The following BACH2 variants were observed in gnomAD, a reference collection of about 807,000 sequenced individuals.
BACH2 encodes transcription regulator protein BACH2.
A neutral mutation model predicts 61.8 loss-of-function variants in BACH2; 5 were observed. That is an observed-to-expected ratio of 0.08 (90% CI 0.04 to 0.17). The LOEUF is 0.17. Among genes scored for constraint, BACH2 ranks in the 10% least tolerant of loss-of-function variants. The pLI is 1.00. For missense variants in BACH2, 824 were observed against 1,091.1 expected, an observed-to-expected ratio of 0.76 and a Z score of 3.45; for synonymous variants, 446 against 440.1, an observed-to-expected ratio of 1.01 and a Z score of -0.17.
chr6:90,025,844 C>T (rs1778606604), intron 5 of BACH2, among the ~76,000 whole-genome samples: 2 of 152,216 alleles, frequency 1.3e-5, no homozygotes, highest in Non-Finnish European at 2.9e-5. Flanking sequence ...ACACCCTTCT[C>T]CATGGGGAAA....
intron 5 of BACH2, among the ~76,000 whole-genome samples, chr6:90,061,103 T>A (rs556723256): frequency 6.6e-6 from 1 of 152,190 alleles, no homozygotes; most frequent in Non-Finnish European, 1.5e-5. Flanking sequence ...ATCTGATTGT[T>A]GCTTTTGAAG....
At chr6:90,116,274 A>G (rs1249952197) in intron 4 of BACH2, among the ~76,000 whole-genome samples, 5 of 152,234 alleles carry the variant, frequency 3.3e-5, no homozygotes, top group Non-Finnish European at 5.9e-5. Context: ...TGGATAAAGA[A>G]AATGTGGTAC....
intron 4 of BACH2, among the ~76,000 whole-genome samples, chr6:90,094,684 A>G (rs1209289308): frequency 6.6e-6 from 1 of 152,200 alleles, no homozygotes; most frequent in African/African-American, 2.4e-5. Flanking sequence ...GAGGTAAAAA[A>G]TTTACCAAAT....
chr6:90,139,736 A>G lies in BACH2; in HGVS notation c.-161-50627T>C, dbSNP rs140639652. 2.1e-3 allele frequency among the ~76,000 whole-genome samples: 323 copies of G among 152,300 alleles called. 2 individuals are homozygous for G. The highest frequency in any genetic ancestry group is 7.2e-3 in the African/African-American group (301 of 41,564). On this transcript the variant is annotated intron_variant, in intron 4 of 8. Transcript: ENST00000257749. ...CTTCCATTTGAACACTACCAGTTGT[A>G]CTTCCACACAGGTGGGGGTGGAGGT...
chr6:89,972,011 T>C (rs1393316100), intron 6 of BACH2, among the ~76,000 whole-genome samples: 1 of 151,964 alleles, frequency 6.6e-6, no homozygotes, highest in African/African-American at 2.4e-5. Flanking sequence ...TGAGGGAGGA[T>C]TAGTTAGGTT....
At chr6:89,937,839 T>G (rs1773118471) in intron 8 of BACH2, among the ~76,000 whole-genome samples, 1 of 152,194 alleles carries the variant, frequency 6.6e-6, no homozygotes. Flanking sequence ...CCAACATCAG[T>G]TATTTTCACA....
At chr6:89,960,681 G>C (rs1774692211) in intron 6 of BACH2, among the ~76,000 whole-genome samples, 1 of 152,184 alleles carries the variant, frequency 6.6e-6, no homozygotes. Flanking sequence ...TTACCACATG[G>C]GGATTTGGTA....
chr6:90,154,229 T>C (rs1401494676), intron 4 of BACH2, among the ~76,000 whole-genome samples: 1 of 152,070 alleles, frequency 6.6e-6, no homozygotes. Context: ...GTAGAGGAAA[T>C]GCAGGTTACA....
chr6:90,007,817 G>A (rs1197533212), intron 6 of BACH2, among the ~76,000 whole-genome samples: 4 of 152,194 alleles, frequency 2.6e-5, no homozygotes, highest in Admixed American at 1.3e-4. Context: ...TGCACACCGC[G>A]CTGGTGGTAC....
At chr6:90,127,282 G>A (rs972526311) in intron 4 of BACH2, among the ~76,000 whole-genome samples, 2 of 151,868 alleles carry the variant, frequency 1.3e-5, no homozygotes, top group Admixed American at 6.5e-5. Context: ...GCTCCGCTCC[G>A]GGGTTGATGG....
intron 4 of BACH2, among the ~76,000 whole-genome samples, chr6:90,158,359 T>C (rs867557786): frequency 6.6e-6 from 1 of 152,224 alleles, no homozygotes; most frequent in Non-Finnish European, 1.5e-5. Context: ...AAATGGCCAT[T>C]CCCCTTCCTT....
At chr6:90,017,240 G>GTTTCT (rs1273717859) in intron 5 of BACH2, among the ~76,000 whole-genome samples, 1 of 151,586 alleles carries the variant, frequency 6.6e-6, no homozygotes, top group African/African-American at 2.4e-5. Context: ...ACATTGGATA[G>GTTTCT]TTTCTTTTCT....
intron 4 of BACH2, among the ~76,000 whole-genome samples, chr6:90,158,797 G>T (rs935396404): frequency 2.6e-5 from 4 of 151,704 alleles, no homozygotes; most frequent in Admixed American, 6.6e-5. Flanking sequence ...ATAGCAAGAG[G>T]TTACACAAAA....
intron 5 of BACH2, among the ~76,000 whole-genome samples, chr6:90,042,686 C>T (rs1003157335): frequency 6.6e-6 from 1 of 152,164 alleles, no homozygotes; most frequent in African/African-American, 2.4e-5. Flanking sequence ...TCATACAAAC[C>T]ATAAAGAGAT....
At chr6:90,074,861 C>T (rs535323670) in intron 5 of BACH2, among the ~76,000 whole-genome samples, 2 of 152,230 alleles carry the variant, frequency 1.3e-5, no homozygotes, top group East Asian at 3.9e-4. Flanking sequence ...CTAAGGAGCT[C>T]CCCCTTTCTC....
At chr6:90,014,543 G>C (rs1173721432) in intron 5 of BACH2, among the ~76,000 whole-genome samples, 11 of 130,226 alleles carry the variant, frequency 8.4e-5, no homozygotes, top group Non-Finnish European at 1.6e-4. Context: ...GTGCAATCTT[G>C]GCTCACTGCA....
At chr6:90,249,766 C>T (rs895734912) in intron 3 of BACH2, among the ~76,000 whole-genome samples, 1 of 152,024 alleles carries the variant, frequency 6.6e-6, no homozygotes, top group Non-Finnish European at 1.5e-5. Context: ...CAGAGTGAGA[C>T]CCTGAAAAAC....
chr6:90,053,267 T>C (rs1174045713), intron 5 of BACH2, among the ~76,000 whole-genome samples: 1 of 152,154 alleles, frequency 6.6e-6, no homozygotes, highest in Non-Finnish European at 1.5e-5. Flanking sequence ...TTCTTCTTTC[T>C]GAAGTATACG....
At chr6:90,206,940 A>G (rs989203118) in intron 3 of BACH2, among the ~76,000 whole-genome samples, 1 of 152,184 alleles carries the variant, frequency 6.6e-6, no homozygotes, top group African/African-American at 2.4e-5. Context: ...TCAGGAGGTC[A>G]GTCTTCCATG....
Sources: gnomAD v4.1 joint callset for allele counts (sites outside exome capture counted in the v4.1 genomes callset) on GRCh38, gnomAD v4.1.1 for gene constraint, MANE v1.5 for transcripts, NCBI Gene and HGNC (gene_info 2026-07-23, HGNC 2026-07-21) for gene names.